CSMD3: variants seen among roughly 807,000 people sequenced by gnomAD.
The protein encoded by CSMD3 is CUB and Sushi multiple domains 3, also known as CUB and sushi domain-containing protein 3.
Under a neutral mutation model 435.2 loss-of-function variants are expected in CSMD3, and 177 were observed. That is an observed-to-expected ratio of 0.41 (90% CI 0.36 to 0.46). The LOEUF is 0.46. Among genes scored for constraint, CSMD3 ranks in the 20% least tolerant of loss-of-function variants. CSMD3 has a pLI of 0.34. For missense variants in CSMD3, 4,265 were observed against 4,504.6 expected, an observed-to-expected ratio of 0.95 and a Z score of 1.52; for synonymous variants, 1,656 against 1,520.5, an observed-to-expected ratio of 1.09 and a Z score of -2.07.
At chr8:113,375,333 C>T (rs543840283) in intron 1 of CSMD3, among the ~76,000 whole-genome samples, 4 of 152,182 alleles carry the variant, frequency 2.6e-5, no homozygotes, top group African/African-American at 9.6e-5. Flanking sequence ...CAAACAGATA[C>T]CGAATATCTA....
chr8:112,475,952 C>T (rs1455812317), intron 31 of CSMD3, among the ~76,000 whole-genome samples: 1 of 152,130 alleles, frequency 6.6e-6, no homozygotes, highest in Non-Finnish European at 1.5e-5. Context: ...TCTTAAAAGC[C>T]TATATTCTTT....
chr8:113,067,583 T>C (rs758349560), intron 5 of CSMD3, among the ~76,000 whole-genome samples: 21 of 152,148 alleles, frequency 1.4e-4, no homozygotes, highest in Non-Finnish European at 2.9e-4. Context: ...ACCAACTTAA[T>C]ATGTCAAGTA....
At chr8:113,268,041 T>A (rs1237817027) in intron 3 of CSMD3, among the ~76,000 whole-genome samples, 2 of 151,784 alleles carry the variant, frequency 1.3e-5, no homozygotes, top group Non-Finnish European at 3.0e-5. Context: ...ATTTCCATAA[T>A]AAATGATTCC....
intron 32 of CSMD3, among the ~76,000 whole-genome samples, chr8:112,461,258 G>A (rs567009697): frequency 6.6e-6 from 1 of 152,152 alleles, no homozygotes; most frequent in South Asian, 2.1e-4. Flanking sequence ...CATGCTGTGT[G>A]CTTTTATAAA....
chr8:112,935,891 T>A (rs1004586035), intron 9 of CSMD3, among the ~76,000 whole-genome samples: 1 of 152,036 alleles, frequency 6.6e-6, no homozygotes, highest in African/African-American at 2.4e-5. Context: ...TGGTTTAGGA[T>A]GTTTGAATGG....
At chr8:112,893,119 C>T (rs575899078) in intron 10 of CSMD3, among the ~76,000 whole-genome samples, 17 of 150,762 alleles carry the variant, frequency 1.1e-4, no homozygotes, top group Non-Finnish European at 2.2e-4. Flanking sequence ...ACTACTACAA[C>T]TACTACTACT....
intron 34 of CSMD3, 67 bp downstream of exon 34, chr8:112,408,251 A>T: frequency 1.0e-6 from 1 of 987,320 alleles, no homozygotes; most frequent in Non-Finnish European, 1.5e-6. Flanking sequence ...TCATTCAAAA[A>T]CTCTGAATAC....
chr8:112,531,030 C>A (rs570258600), intron 27 of CSMD3, among the ~76,000 whole-genome samples: 46 of 152,016 alleles, frequency 3.0e-4, no homozygotes, highest in Admixed American at 2.0e-3. Flanking sequence ...GCTGCGGGGG[C>A]CACAGAAGTG....
intron 13 of CSMD3, among the ~76,000 whole-genome samples, chr8:112,783,212 T>C (rs2078437770): frequency 6.6e-6 from 1 of 151,860 alleles, no homozygotes. Context: ...AGAGTTTTTA[T>C]CAGTTTTCTT....
chr8:112,255,626 A>C (rs1211334015), intron 61 of CSMD3, 199 bp from the exon 62 acceptor site: 2 of 569,446 alleles, frequency 3.5e-6, no homozygotes, highest in African/African-American at 3.8e-5. Flanking sequence ...TAATATTTAA[A>C]AATTAGCTCG....
chr8:112,950,226 A>G lies in CSMD3; in HGVS notation c.1421-2349T>C, dbSNP rs530057019. On this transcript the variant is annotated intron_variant, in intron 8 of 70. Transcript: ENST00000297405. ...GTTGTTTGATTGACAATACCACCTTATATTTGTTATCAAAGAACTGAACAT... is the reference window on the plus strand; with the variant it reads ...GTTGTTTGATTGACAATACCACCTTGTATTTGTTATCAAAGAACTGAACAT... Among the ~76,000 whole-genome samples, 17 of 152,072 alleles carry G rather than the reference A, an allele frequency of 1.1e-4. No homozygotes were observed. The South Asian group carries it at 3.5e-3, about 32-fold the overall frequency.
rs376353166 is a variant in CSMD3, at chr8:112,306,015, C to T, written c.8063G>A (p.Arg2688His). The T allele has an allele frequency of 3.6e-5, 58 of 1,613,148 alleles. No individual in the cohort carries two copies. The highest frequency in any genetic ancestry group is 5.3e-5 in the African/African-American group (4 of 74,848). Residue 2688 changes from arginine (R) to histidine (H), a missense_variant, in exon 51 of 71, where the codon CGC becomes CAC. By Grantham distance (29) the Arg-to-His change is conservative. This residue lies in a region of CSMD3 where 3,255 missense variants were observed against 3,380.2 expected (regional missense o/e 0.96). Transcript: ENST00000297405. ...TCCCTTGACACACATACCAACACAGCGAGGGGTCTTGTTATGATTGCTCCA... is the reference window on the plus strand; with the variant it reads ...TCCCTTGACACACATACCAACACAGTGAGGGGTCTTGTTATGATTGCTCCA... ...GTWSNHNKTP[R>H]CVVVTCPSIN...
intron 2 of CSMD3, among the ~76,000 whole-genome samples, chr8:113,282,205 A>G (rs1461504276): frequency 1.3e-5 from 2 of 152,026 alleles, no homozygotes; most frequent in Non-Finnish European, 1.5e-5. Context: ...TCTTCAACAT[A>G]GTACTGGAAG....
chr8:112,932,550 A>C (rs1298654585), intron 9 of CSMD3, among the ~76,000 whole-genome samples: 1 of 152,128 alleles, frequency 6.6e-6, no homozygotes, highest in Non-Finnish European at 1.5e-5. Flanking sequence ...AGGCAGAAGA[A>C]TGGCATGAAC....
chr8:112,563,405 C>CTT (rs200729243), intron 24 of CSMD3, among the ~76,000 whole-genome samples: 2 of 142,054 alleles, frequency 1.4e-5, no homozygotes. Context: ...ATAAAAGGAT[C>CTT]TTTTTTTTTT....
At chr8:113,266,051 T>C (rs1401783359) in intron 3 of CSMD3, among the ~76,000 whole-genome samples, 3 of 151,448 alleles carry the variant, frequency 2.0e-5, no homozygotes, top group African/African-American at 4.8e-5. Flanking sequence ...CATAATCTTA[T>C]CTTACTAAAA....
At chr8:113,411,795 C>T (rs2094560929) in intron 1 of CSMD3, among the ~76,000 whole-genome samples, 1 of 152,100 alleles carries the variant, frequency 6.6e-6, no homozygotes, top group Non-Finnish European at 1.5e-5. Context: ...GAATATGCTA[C>T]CTACAGTTTT....
At chr8:113,272,233 C>T (rs1258102356) in intron 3 of CSMD3, among the ~76,000 whole-genome samples, 1 of 151,916 alleles carries the variant, frequency 6.6e-6, no homozygotes, top group Non-Finnish European at 1.5e-5. Flanking sequence ...CTTGGGAAGG[C>T]AGGATTGATT....
intron 11 of CSMD3, 25 bp downstream of exon 11, chr8:112,859,120 T>A (rs531160329): frequency 1.4e-4 from 221 of 1,600,468 alleles, no homozygotes; most frequent in Middle Eastern, 3.3e-4. Context: ...ACTTTTTTTT[T>A]AAATCACAGA....
Sources: gnomAD v4.1 joint callset for allele counts (sites outside exome capture counted in the v4.1 genomes callset) on GRCh38, gnomAD v4.1.1 for gene constraint, gnomAD v4.1.1 regional missense constraint, MANE v1.5 for transcripts, NCBI Gene and HGNC (gene_info 2026-07-23, HGNC 2026-07-21) for gene names.